STRN3: variants seen among roughly 807,000 people sequenced by gnomAD.
The protein encoded by STRN3 is striatin-3.
A neutral mutation model predicts 95.6 loss-of-function variants in STRN3; 29 were observed. The observed-to-expected ratio is 0.30, with a 90% confidence interval of 0.23 to 0.41. The LOEUF is 0.41. Ranked by LOEUF, STRN3 falls within the 10% of genes least tolerant of loss-of-function variation. The pLI, the probability that STRN3 is intolerant of heterozygous loss-of-function variation, is 1.00. For missense variants in STRN3, 890 were observed against 972.1 expected (o/e 0.92, Z 1.12); for synonymous variants, 331 against 357.6 (o/e 0.93, Z 0.84).
intron 9 of STRN3, among the ~76,000 whole-genome samples, chr14:30,915,723 CA>C (rs1896720765): frequency 6.6e-6 from 1 of 152,126 alleles, no homozygotes; most frequent in African/African-American, 2.4e-5. Context: ...GAAGTCAGAA[CA>C]AAATGCCACA....
intron 14 of STRN3, among the ~76,000 whole-genome samples, chr14:30,906,391 G>A (rs1301053113): frequency 6.6e-6 from 1 of 152,094 alleles, no homozygotes; most frequent in East Asian, 1.9e-4. Flanking sequence ...AAGGTAAACT[G>A]GTTAAAGCCT....
intron 1 of STRN3, among the ~76,000 whole-genome samples, chr14:31,013,227 T>TA (rs1399306343): frequency 6.6e-6 from 1 of 151,008 alleles, no homozygotes; most frequent in Non-Finnish European, 1.5e-5. Context: ...ACAACAAAAT[T>TA]AGTCAGGTGT....
chr14:30,899,901 G>A (rs910302064), intron 16 of STRN3, among the ~76,000 whole-genome samples: 3 of 152,026 alleles, frequency 2.0e-5, no homozygotes, highest in African/African-American at 7.2e-5. Context: ...CCTATTCATA[G>A]CATAAAGTTC....
At chr14:30,933,906 T>G (rs890305629) in intron 7 of STRN3, among the ~76,000 whole-genome samples, 3 of 152,356 alleles carry the variant, frequency 2.0e-5, no homozygotes, top group African/African-American at 7.2e-5. Flanking sequence ...TTAGCAATAC[T>G]TAGTTTAAAC....
chr14:30,908,268 C>T (rs570394090), intron 13 of STRN3, among the ~76,000 whole-genome samples: 1 of 152,292 alleles, frequency 6.6e-6, no homozygotes, highest in African/African-American at 2.4e-5. Flanking sequence ...CCACCCCTTC[C>T]ACCCAGCAAT....
intron 8 of STRN3, among the ~76,000 whole-genome samples, chr14:30,924,567 C>A (rs1594444021): frequency 6.6e-6 from 1 of 152,156 alleles, no homozygotes; most frequent in Non-Finnish European, 1.5e-5. Context: ...GCTGGGATTA[C>A]ATGCATGAAC....
chr14:30,949,348 C>G (rs1265320467), intron 4 of STRN3, among the ~76,000 whole-genome samples: 1 of 152,180 alleles, frequency 6.6e-6, no homozygotes, highest in Admixed American at 6.5e-5. Context: ...TGCGGTGGCT[C>G]ACACCTGTAA....
rs1883918868 is a variant in STRN3, at chr14:31,026,240, G to A, written c.-55C>T. On this transcript the variant is annotated 5_prime_UTR_variant, in exon 1 of 18. Coordinates refer to ENST00000357479, the MANE Select transcript of STRN3 (RefSeq NM_001083893.2). ...GCGAGACGCCGACAGCTGGGGGAAGGGCCGGAGAGGGTGGCCCCGCGCTGG... is the reference window on the plus strand; with the variant it reads ...GCGAGACGCCGACAGCTGGGGGAAGAGCCGGAGAGGGTGGCCCCGCGCTGG... 1 of 1,364,348 alleles carries A rather than the reference G, an allele frequency of 7.3e-7. No homozygotes were observed. The allele number at this position is 1,364,348 out of a possible 1,614,324, so 84.5% of individuals were successfully genotyped here.
intron 1 of STRN3, among the ~76,000 whole-genome samples, chr14:30,987,073 G>A (rs1881727305): frequency 1.3e-5 from 2 of 152,246 alleles, no homozygotes; most frequent in African/African-American, 2.4e-5. Flanking sequence ...TATGGTACAA[G>A]AAGGCATACA....
At chr14:30,908,786 C>T (rs1025905606) in intron 13 of STRN3, among the ~76,000 whole-genome samples, 6 of 152,178 alleles carry the variant, frequency 3.9e-5, no homozygotes, top group Non-Finnish European at 7.3e-5. Flanking sequence ...GGACTTTAGT[C>T]CCAGGTTGTC....
intron 1 of STRN3, among the ~76,000 whole-genome samples, chr14:30,978,162 G>A (rs574700331): frequency 1.4e-4 from 22 of 152,236 alleles, no homozygotes; most frequent in Admixed American, 1.4e-3. Context: ...ACGTGATGAA[G>A]CCAGCATTAT....
chr14:31,022,825 C>A (rs887712681), intron 1 of STRN3, among the ~76,000 whole-genome samples: 6 of 152,124 alleles, frequency 3.9e-5, no homozygotes, highest in Non-Finnish European at 8.8e-5. Flanking sequence ...ACCTGTAAAA[C>A]AGGAATACTC....
intron 5 of STRN3, among the ~76,000 whole-genome samples, chr14:30,945,752 G>A (rs1594475868): frequency 1.3e-5 from 2 of 152,146 alleles, no homozygotes; most frequent in East Asian, 3.8e-4. Context: ...AGTGAAAGAA[G>A]CCACTTACAG....
chr14:31,014,412 G>T (rs1156402233), intron 1 of STRN3, among the ~76,000 whole-genome samples: 2 of 151,932 alleles, frequency 1.3e-5, no homozygotes, highest in Non-Finnish European at 2.9e-5. Flanking sequence ...AGTAAAGACG[G>T]GGTTTCACCA....
intron 1 of STRN3, among the ~76,000 whole-genome samples, chr14:31,023,264 T>C (rs150238907): frequency 0.014 from 2,076 of 152,306 alleles, 17 homozygotes; most frequent in Non-Finnish European, 0.022. Context: ...ATTCATGTTA[T>C]ATAAAAGTTA....
At chr14:30,997,708 C>T (rs1326411059) in intron 1 of STRN3, among the ~76,000 whole-genome samples, 3 of 152,110 alleles carry the variant, frequency 2.0e-5, no homozygotes, top group Non-Finnish European at 4.4e-5. Flanking sequence ...GACTAGAATA[C>T]AAACACCCAA....
chr14:30,922,872 A>G lies in STRN3; in HGVS notation c.1100-3766T>C, dbSNP rs1322491191. 2.7e-5 allele frequency among the ~76,000 whole-genome samples: 4 copies of G among 147,922 alleles called. No homozygotes were observed. The Admixed American group carries it at 2.7e-4, about 10-fold the overall frequency. On this transcript the variant is annotated intron_variant, in intron 8 of 17. Coordinates refer to ENST00000357479, the MANE Select transcript of STRN3 (RefSeq NM_001083893.2). The stretch of plus-strand genomic sequence containing the variant: ...AAAAAGTGCACTGATTAGAGTATCA[A>G]TCTGATACATTCTGATCCTAGGCAA...
At chr14:30,997,400 T>C (rs535405144) in intron 1 of STRN3, among the ~76,000 whole-genome samples, 1 of 152,208 alleles carries the variant, frequency 6.6e-6, no homozygotes, top group South Asian at 2.1e-4. Context: ...TAGGCAATAT[T>C]CCTCTGCCTT....
At chr14:30,958,702 A>T (rs984838349) in intron 1 of STRN3, among the ~76,000 whole-genome samples, 2 of 152,202 alleles carry the variant, frequency 1.3e-5, no homozygotes, top group African/African-American at 2.4e-5. Flanking sequence ...AAGAAGTAAA[A>T]ATTGGTGGGT....
Sources: allele counts gnomAD v4.1 joint callset (sites outside exome capture counted in the v4.1 genomes callset), GRCh38; gene constraint gnomAD v4.1.1; transcripts MANE v1.5; gene names NCBI Gene and HGNC (gene_info 2026-07-23, HGNC 2026-07-21).